The following MAN2A1 variants were observed in gnomAD, a reference collection of about 807,000 sequenced individuals.
MAN2A1 encodes the protein alpha-mannosidase 2.
Under a neutral mutation model 142.6 loss-of-function variants are expected in MAN2A1, and 76 were observed. The observed-to-expected ratio is 0.53, with a 90% CI of 0.44 to 0.65. The LOEUF is 0.65. Ranked by LOEUF, MAN2A1 falls within the 30% of genes least tolerant of loss-of-function variation. The pLI is 0.00. For missense variants in MAN2A1, 1,311 were observed against 1,365.1 expected (o/e 0.96, Z 0.62); for synonymous variants, 559 against 473.2 (o/e 1.18, Z -2.35).
intron 4 of MAN2A1, among the ~76,000 whole-genome samples, chr5:109,743,432 A>G (rs558073054): frequency 7.2e-5 from 11 of 152,288 alleles, no homozygotes; most frequent in Non-Finnish European, 1.5e-4. Flanking sequence ...GTTCTTTATC[A>G]TCTTCATTCT....
At chr5:109,788,598 G>T (rs1038039466) in intron 10 of MAN2A1, among the ~76,000 whole-genome samples, 4 of 151,730 alleles carry the variant, frequency 2.6e-5, no homozygotes, top group Non-Finnish European at 4.4e-5. Flanking sequence ...GCAAATCATT[G>T]TTTTTTTGAT....
intron 7 of MAN2A1, among the ~76,000 whole-genome samples, chr5:109,772,607 T>G (rs1168413977): frequency 6.6e-6 from 1 of 152,040 alleles, no homozygotes; most frequent in Non-Finnish European, 1.5e-5. Flanking sequence ...CCTGGGCTCA[T>G]GCAATTCTCC....
chr5:109,718,928 GCTTTT>G (rs958369564), intron 3 of MAN2A1, among the ~76,000 whole-genome samples: 51 of 151,746 alleles, frequency 3.4e-4, no homozygotes, highest in African/African-American at 1.2e-3. Context: ...TTTGGCGTAG[GCTTTT>G]CTTTTAAGTT....
chr5:109,766,793 A>G (rs1222283309), intron 5 of MAN2A1, among the ~76,000 whole-genome samples: 1 of 152,178 alleles, frequency 6.6e-6, no homozygotes, highest in Non-Finnish European at 1.5e-5. Context: ...AGATTTTTAT[A>G]ATGCTAGATG....
chr5:109,717,804 A>G (rs921556863), intron 3 of MAN2A1, among the ~76,000 whole-genome samples: 1 of 152,214 alleles, frequency 6.6e-6, no homozygotes, highest in African/African-American at 2.4e-5. Flanking sequence ...ATCTTAAGCC[A>G]GGGTTAGTTA....
chr5:109,700,948 C>T (rs1750963532), intron 1 of MAN2A1, among the ~76,000 whole-genome samples: 1 of 152,164 alleles, frequency 6.6e-6, no homozygotes, highest in African/African-American at 2.4e-5. Context: ...AACAAAACTG[C>T]CGTTTGTGAA....
rs1192128206 is a variant in MAN2A1, at chr5:109,781,417, G to C, written c.1396G>C (p.Asp466His). The change falls in exon 9 of 22, where the codon GAT becomes CAT. Residue 466 changes from aspartate to histidine, a missense_variant. By Grantham distance (81) the Asp-to-His change is moderately conservative. Around this residue, in one of 3 missense-constraint regions of MAN2A1, gnomAD observed 890 missense variants for 920.5 expected, o/e 0.97. Transcript: ENST00000261483. ...KVKIQFGTLS[D>H]FFDALDKADE... ...CTAGATACAGTTTGGAACTTTATCA[G>C]ATTTTTTTGATGCGCTGGATAAAGC... 1.2e-6 allele frequency: 2 copies of C among 1,604,220 alleles called. No individual in the cohort carries two copies. The highest frequency in any genetic ancestry group is 1.7e-6 in the Non-Finnish European group (2 of 1,177,476).
chr5:109,758,769 A>G (rs1168527570), intron 5 of MAN2A1, among the ~76,000 whole-genome samples: 1 of 150,814 alleles, frequency 6.6e-6, no homozygotes, highest in Non-Finnish European at 1.5e-5. Flanking sequence ...TAATATTTGT[A>G]TATGATGTGA....
At chr5:109,765,553 CCTTT>C (rs1333442853) in intron 5 of MAN2A1, among the ~76,000 whole-genome samples, 1 of 151,964 alleles carries the variant, frequency 6.6e-6, no homozygotes, top group Non-Finnish European at 1.5e-5. Flanking sequence ...AAATTTTTGC[CCTTT>C]CTAATTAATA....
At chr5:109,785,381 T>C (rs2112672845) in intron 10 of MAN2A1, among the ~76,000 whole-genome samples, 1 of 151,696 alleles carries the variant, frequency 6.6e-6, no homozygotes, top group African/African-American at 2.4e-5. Context: ...CATATTGACA[T>C]AATAAGCTGA....
At chr5:109,752,793 TTAAG>T (rs1752582630) in intron 4 of MAN2A1, among the ~76,000 whole-genome samples, 2 of 152,186 alleles carry the variant, frequency 1.3e-5, no homozygotes, top group Admixed American at 1.3e-4. Context: ...TCTTTAACCT[TTAAG>T]TACAGATAAG....
intron 5 of MAN2A1, among the ~76,000 whole-genome samples, chr5:109,764,016 G>A (rs1277858205): frequency 6.6e-6 from 1 of 151,940 alleles, no homozygotes; most frequent in Middle Eastern, 3.2e-3. Context: ...GGTCAGGCTG[G>A]TCTCGAACTC....
intron 1 of MAN2A1, among the ~76,000 whole-genome samples, chr5:109,710,802 T>C (rs950062048): frequency 6.6e-6 from 1 of 152,222 alleles, no homozygotes; most frequent in Non-Finnish European, 1.5e-5. Flanking sequence ...GTGGCTCTCC[T>C]GCCTCAGCCT....
intron 1 of MAN2A1, among the ~76,000 whole-genome samples, chr5:109,712,222 CT>C (rs1751321785): frequency 6.6e-6 from 1 of 151,952 alleles, no homozygotes; most frequent in South Asian, 2.1e-4. Context: ...TCCCTTTCCC[CT>C]TGTTGAACTG....
At chr5:109,842,141 A>G (rs184080601) in intron 16 of MAN2A1, among the ~76,000 whole-genome samples, 187 bp from the exon 17 acceptor site, 35 of 152,366 alleles carry the variant, frequency 2.3e-4, no homozygotes, top group African/African-American at 7.2e-4. Context: ...AATAAGTGCT[A>G]TCTACCTTCT....
At chr5:109,817,106 C>T (rs1005456445) in intron 12 of MAN2A1, among the ~76,000 whole-genome samples, 167 bp from the exon 13 acceptor site, 2 of 152,120 alleles carry the variant, frequency 1.3e-5, no homozygotes, top group Admixed American at 6.6e-5. Context: ...GTTGAGACTG[C>T]AGTGAGCTAT....
intron 4 of MAN2A1, among the ~76,000 whole-genome samples, chr5:109,739,385 A>C (rs1305422998): frequency 1.3e-5 from 2 of 151,722 alleles, no homozygotes; most frequent in Non-Finnish European, 2.9e-5. Flanking sequence ...CTTTTGTTTC[A>C]TTTGTTTTAG....
intron 16 of MAN2A1, among the ~76,000 whole-genome samples, chr5:109,837,802 T>C (rs1755096457): frequency 6.6e-6 from 1 of 152,196 alleles, no homozygotes; most frequent in East Asian, 1.9e-4. Context: ...CTAACATGCA[T>C]GTAACATATA....
intron 12 of MAN2A1, among the ~76,000 whole-genome samples, chr5:109,810,991 AT>A (rs11298846): frequency 0.72 from 104,811 of 145,680 alleles, 38,180 homozygotes; most frequent in East Asian, 0.93. Context: ...AAGTTTTACT[AT>A]TTTTTTTTTT....
Sources: gnomAD v4.1 joint callset for allele counts (sites outside exome capture counted in the v4.1 genomes callset) on GRCh38, gnomAD v4.1.1 for gene constraint, gnomAD v4.1.1 regional missense constraint, MANE v1.5 for transcripts, NCBI Gene and HGNC (gene_info 2026-07-23, HGNC 2026-07-21) for gene names.